The following DCLRE1A variants were observed in gnomAD, a reference collection of about 807,000 sequenced individuals.
DCLRE1A encodes the protein DNA cross-link repair 1A, also known as DNA cross-link repair 1A protein.
A neutral mutation model predicts 91.9 loss-of-function variants in DCLRE1A; 64 were observed. The ratio of observed to expected loss-of-function variants is 0.70; its 90% CI spans 0.57 to 0.86. The LOEUF is 0.86. Ranked by LOEUF, DCLRE1A falls within the 40% of genes least tolerant of loss-of-function variation. The pLI is 0.00. For synonymous variants in DCLRE1A, 416 were observed against 431.1 expected (o/e 0.96, Z 0.43); for missense variants, 1,145 against 1,213.3 (o/e 0.94, Z 0.84).
chr10:113,850,688 G>A, intron 1 of DCLRE1A, 44 bp from the exon 2 acceptor site: 2 of 1,457,958 alleles, frequency 1.4e-6, no homozygotes, highest in South Asian at 2.8e-5. Flanking sequence ...TCAAAGCATA[G>A]ACTAAGCTTT....
chr10:113,846,263 C>T (rs901289804), intron 3 of DCLRE1A, among the ~76,000 whole-genome samples: 1 of 152,146 alleles, frequency 6.6e-6, no homozygotes, highest in Non-Finnish European at 1.5e-5. Context: ...CCATTTTTAG[C>T]TCTGTGACCT....
At chr10:113,851,275 T>C (rs1419971484) in intron 1 of DCLRE1A, among the ~76,000 whole-genome samples, 1 of 152,244 alleles carries the variant, frequency 6.6e-6, no homozygotes, top group East Asian at 1.9e-4. Context: ...TTTCACTTGC[T>C]ATCCTTTTCT....
chr10:113,845,562 C>T, intron 4 of DCLRE1A, 123 bp downstream of exon 4: 2 of 723,562 alleles, frequency 2.8e-6, no homozygotes, highest in Non-Finnish European at 4.6e-6. Flanking sequence ...GGAGAAACAT[C>T]TTACTCAAGT....
At chr10:113,843,451 C>T (rs1845479381) in intron 5 of DCLRE1A, among the ~76,000 whole-genome samples, 1 of 152,070 alleles carries the variant, frequency 6.6e-6, no homozygotes, top group Non-Finnish European at 1.5e-5. Context: ...TGCGGAAAGA[C>T]CATCTTTTAC....
chr10:113,835,951 A>G (rs1014451965), intron 8 of DCLRE1A, among the ~76,000 whole-genome samples: 1 of 152,276 alleles, frequency 6.6e-6, no homozygotes, highest in African/African-American at 2.4e-5. Flanking sequence ...TTAAAAAAAA[A>G]TAATAAGATA....
At chr10:113,847,419 C>T in intron 2 of DCLRE1A, 84 bp from the exon 3 acceptor site, 2 of 1,399,424 alleles carry the variant, frequency 1.4e-6, no homozygotes, top group Non-Finnish European at 1.9e-6. Flanking sequence ...ACCCTCTATC[C>T]TCTTTACCTC....
At chr10:113,852,587 CT>C in intron 1 of DCLRE1A, 135 bp downstream of exon 1, 1 of 789,280 alleles carries the variant, frequency 1.3e-6, no homozygotes, top group South Asian at 1.9e-5. Flanking sequence ...ATACCGTTGA[CT>C]GGTATGGTGT....
rs1845556627 is a variant in DCLRE1A at position 113,847,361 on chromosome 10, G to C, written c.2126-26C>G. 11 of 1,611,532 alleles carry C rather than the reference G, an allele frequency of 6.8e-6. No individual in the cohort carries two copies. The East Asian group carries it at 2.5e-4, about 36-fold the overall frequency. On this transcript the variant is annotated intron_variant, in intron 2 of 8. Coordinates refer to ENST00000361384, the MANE Select transcript of DCLRE1A (RefSeq NM_014881.5). ...CTGCAATAAAAATACCGACACAGTA[G>C]GTTGAGCAAGAGCTAAGATACCCAA... is the stretch of plus-strand genomic sequence containing the variant.
At position 113,853,033 on chromosome 10, in the gene DCLRE1A, G is replaced by A. The variant is rs763751384; in HGVS notation, c.150C>T (p.Asn50=). 6.2e-7 allele frequency: 1 copy of A among 1,613,642 alleles called. No homozygotes were observed. The highest frequency in any genetic ancestry group is 8.5e-7 in the Non-Finnish European group (1 of 1,179,920). Residue 50 remains asparagine, a synonymous_variant, in exon 1 of 9, where the codon AAC becomes AAT. Coordinates refer to ENST00000361384, the MANE Select transcript of DCLRE1A (RefSeq NM_014881.5). The part of the protein sequence containing the change: ...DGKYQSKRSR[N]RKRAAEAKEV... ...CTTTAGCTTCTGCGGCTCTTTTTCT[G>A]TTTCTACTCCGTTTTGACTGGTATT...
In DCLRE1A at chr10:113,837,200, A is replaced by C; in HGVS notation, c.2824T>G (p.Leu942Val). The change falls in exon 8 of 9, where the codon TTA (leucine) becomes GTA (valine). Residue 942 changes from leucine to valine, a missense_variant. By Grantham distance (32) the Leu-to-Val change is conservative. Coordinates refer to ENST00000361384, the MANE Select transcript of DCLRE1A (RefSeq NM_014881.5). ...CCACACTTCTTCAAATGACTCTGTA[A>C]GCCCTGTTAAATTAAAATAGCATAT... Reference protein sequence around the residue: ...LPMMQINFKGLQSHLKKCGGK... With the variant: ...LPMMQINFKGVQSHLKKCGGK... 1 of 1,607,772 alleles carries C rather than the reference A, an allele frequency of 6.2e-7. No individual in the cohort carries two copies. The highest frequency in any genetic ancestry group is 1.1e-5 in the South Asian group (1 of 89,542).
Position 113,850,135 on chromosome 10 carries a change from A to ACAGTTGTT in DCLRE1A, c.962_969dup (p.Phe324AsnfsTer32). The ACAGTTGTT allele has an allele frequency of 6.2e-7, 1 of 1,614,160 alleles. No homozygotes were observed. The highest frequency in any genetic ancestry group is 8.5e-7 in the Non-Finnish European group (1 of 1,180,016). ...CCATCTTTTGAGCTTTCGGTAAAAAACAGTTGTTCTTGTGAATCATCCGGT... is the reference window on the plus strand; with the variant it reads ...CCATCTTTTGAGCTTTCGGTAAAAAACAGTTGTTCAGTTGTTCTTGTGAATCATCCGGT... On this transcript the variant is annotated frameshift_variant, in exon 2 of 9. Transcript: ENST00000361384. LOFTEE classifies it high-confidence loss of function.
At chr10:113,852,335 C>T (rs1240425004) in intron 1 of DCLRE1A, among the ~76,000 whole-genome samples, 1 of 151,996 alleles carries the variant, frequency 6.6e-6, no homozygotes, top group Non-Finnish European at 1.5e-5. Flanking sequence ...GACTCCGTCT[C>T]AAAAAAATAA....
At chr10:113,843,175 C>T (rs1845474345) in intron 5 of DCLRE1A, among the ~76,000 whole-genome samples, 1 of 151,930 alleles carries the variant, frequency 6.6e-6, no homozygotes, top group African/African-American at 2.4e-5. Context: ...GAAAAGTAAG[C>T]ACTTTTTCAC....
rs752852711 is a variant in DCLRE1A at position 113,847,324 on chromosome 10, T to C, written c.2137A>G (p.Thr713Ala). Residue 713 changes from threonine (T) to alanine (A), a missense_variant, in exon 3 of 9, where the codon ACA becomes GCA. Thr to Ala is a moderately conservative substitution (Grantham distance 58). Coordinates refer to ENST00000361384, the MANE Select transcript of DCLRE1A (RefSeq NM_014881.5). ...FYKKIPGTGF[T>A]VDAFQYGVVE... ...ACGCCATACTGAAAGGCATCAACTGTAAAGCCGGTTCCTGCAATAAAAATA... is the reference window on the plus strand; with the variant it reads ...ACGCCATACTGAAAGGCATCAACTGCAAAGCCGGTTCCTGCAATAAAAATA... 6.2e-7 allele frequency: 1 copy of C among 1,613,630 alleles called. No individual in the cohort carries two copies. The highest frequency in any genetic ancestry group is 1.3e-5 in the African/African-American group (1 of 75,058).
chr10:113,849,267 T>C lies in DCLRE1A; in HGVS notation c.1838A>G (p.Asp613Gly). 1 of 1,614,168 alleles carries C rather than the reference T, an allele frequency of 6.2e-7. No individual in the cohort carries two copies. The change falls in exon 2 of 9, where the codon GAT becomes GGT. Residue 613 changes from aspartate (D) to glycine (G), a missense_variant. Transcript: ENST00000361384. ...CTGACTCTCATGTAAAGTACTTGCA[T>C]CAAATTCTAAATCACTTAAAGATTT... ...AEKSLSDLEFDASTLHESQLS... is the reference protein window; with the variant it reads ...AEKSLSDLEFGASTLHESQLS...
intron 7 of DCLRE1A, among the ~76,000 whole-genome samples, chr10:113,840,039 A>C (rs1845421261): frequency 6.6e-6 from 1 of 152,192 alleles, no homozygotes; most frequent in African/African-American, 2.4e-5. Flanking sequence ...CACACCTGTA[A>C]TATCAGCACT....
Position 113,852,289 on chromosome 10 carries a change from T to C in DCLRE1A, c.460+434A>G, listed in dbSNP as rs573175594. On this transcript the variant is annotated intron_variant, in intron 1 of 8. Coordinates refer to ENST00000361384, the MANE Select transcript of DCLRE1A (RefSeq NM_014881.5). ...AAGCGGAGCTTGCAGTGAGCCAAGA[T>C]AGCGCCACTGCACTCCAATCTGGGC... 3.5e-3 allele frequency among the ~76,000 whole-genome samples: 528 copies of C among 152,326 alleles called. 5 individuals are homozygous for C. The highest frequency in any genetic ancestry group is 0.012 in the African/African-American group (497 of 41,570).
At chr10:113,839,945 A>C (rs1302059619) in intron 7 of DCLRE1A, among the ~76,000 whole-genome samples, 18 of 152,318 alleles carry the variant, frequency 1.2e-4, no homozygotes, top group African/African-American at 3.8e-4. Flanking sequence ...TCAAAAAATC[A>C]TTCAAAATCA....
At position 113,841,257 on chromosome 10, in the gene DCLRE1A, C is replaced by T. The variant is rs886355788; in HGVS notation, c.2820+149G>A. 1.1e-5 allele frequency: 9 copies of T among 847,644 alleles called. No homozygotes were observed. The African/African-American group carries it at 1.2e-4, about 12-fold the overall frequency. The allele number at this position is 847,644 out of a possible 1,614,324, so 52.5% of individuals were successfully genotyped here. A position where few individuals can be genotyped will look rare whatever the true frequency, so the allele number is the denominator to read the frequency against. On this transcript the variant is annotated intron_variant, in intron 7 of 8. Coordinates refer to ENST00000361384, the MANE Select transcript of DCLRE1A (RefSeq NM_014881.5). ...GTTGCACATCTAGAAAAACTATGAA[C>T]ATTTAAAATTCCTCTTAAAAGATTG...
Sources: allele counts gnomAD v4.1 joint callset (sites outside exome capture counted in the v4.1 genomes callset), GRCh38; gene constraint gnomAD v4.1.1; transcripts MANE v1.5; gene names NCBI Gene and HGNC (gene_info 2026-07-23, HGNC 2026-07-21).